The following PDE3B variants were observed in gnomAD, a reference collection of about 807,000 sequenced individuals.
PDE3B encodes the protein cGMP-inhibited 3',5'-cyclic phosphodiesterase 3B.
PDE3B carries 66 observed loss-of-function variants against 116.8 expected under a neutral mutation model. The ratio of observed to expected loss-of-function variants is 0.56; its 90% confidence interval spans 0.46 to 0.69. PDE3B has a LOEUF of 0.69. PDE3B is among the 30% of genes least tolerant of loss of function. The pLI, the probability that PDE3B is intolerant of heterozygous loss-of-function variation, is 0.00. For synonymous variants in PDE3B, 595 were observed against 533.6 expected, an observed-to-expected ratio of 1.12 and a Z score of -1.59; for missense variants, 1,384 against 1,368.1, an observed-to-expected ratio of 1.01 and a Z score of -0.18.
chr11:14,878,090 C>T, the PDE3B span: 4 of 1,610,344 alleles, frequency 2.5e-6, no homozygotes, highest in South Asian at 2.2e-5. Context: ...GGCAAATATA[C>T]ATTCTTGTTC....
intron 11 of PDE3B, among the ~76,000 whole-genome samples, chr11:14,838,794 T>A (rs1424598294): frequency 6.6e-6 from 1 of 152,226 alleles, no homozygotes; most frequent in Non-Finnish European, 1.5e-5. Flanking sequence ...AAGGAAGATG[T>A]ACCTACCAGA....
At chr11:14,893,982 C>A in the PDE3B span, among the ~76,000 whole-genome samples, 1 of 152,132 alleles carries the variant, frequency 6.6e-6, no homozygotes, top group Non-Finnish European at 1.5e-5. Context: ...ATATACTAAG[C>A]AAACCTTGTC....
chr11:14,840,116 G>T (rs1342509076), intron 11 of PDE3B, among the ~76,000 whole-genome samples: 1 of 152,160 alleles, frequency 6.6e-6, no homozygotes, highest in African/African-American at 2.4e-5. Context: ...TCTACTCGTT[G>T]TGCAAATTAC....
chr11:14,651,254 G>A (rs1853568052), intron 1 of PDE3B, among the ~76,000 whole-genome samples: 1 of 152,094 alleles, frequency 6.6e-6, no homozygotes, highest in Non-Finnish European at 1.5e-5. Context: ...CTCCCTGTAT[G>A]TTCACATAGT....
At chr11:14,703,537 G>A (rs1252909294) in intron 1 of PDE3B, among the ~76,000 whole-genome samples, 1 of 151,264 alleles carries the variant, frequency 6.6e-6, no homozygotes, top group Non-Finnish European at 1.5e-5. Context: ...GTGTTTAGGT[G>A]GCTACTAGTT....
chr11:14,786,631 C>T lies in PDE3B; in HGVS notation c.1224C>T (p.Tyr408=), dbSNP rs1440158082. 2 of 1,612,466 alleles carry T rather than the reference C, an allele frequency of 1.2e-6. No individual in the cohort carries two copies. The highest frequency in any genetic ancestry group is 1.3e-5 in the African/African-American group (1 of 74,836). Residue 408 remains tyrosine, a synonymous_variant, in exon 3 of 16, where the codon TAC becomes TAT. Coordinates refer to ENST00000282096, the MANE Select transcript of PDE3B (RefSeq NM_000922.4). The part of the protein sequence containing the change: ...INPLTPFPGF[Y]PCSEIEDPAE... Reference sequence around the variant, plus strand: ...CTCTCACACCATTTCCTGGATTTTACCCCTGTTCTGAAATAGAGGACCCAG... The same window carrying T: ...CTCTCACACCATTTCCTGGATTTTATCCCTGTTCTGAAATAGAGGACCCAG...
chr11:14,730,057 A>T (rs1352819645), intron 1 of PDE3B, among the ~76,000 whole-genome samples: 1 of 152,186 alleles, frequency 6.6e-6, no homozygotes, highest in African/African-American at 2.4e-5. Flanking sequence ...AGTCTGGTGA[A>T]TACATGCATG....
chr11:14,864,347 A>T (rs1555007742), intron 14 of PDE3B, among the ~76,000 whole-genome samples: 1 of 152,136 alleles, frequency 6.6e-6, no homozygotes, highest in Non-Finnish European at 1.5e-5. Flanking sequence ...CTCCCACAAA[A>T]TAATAGTGGG....
chr11:14,878,679 C>T, the PDE3B span, among the ~76,000 whole-genome samples: 1 of 152,064 alleles, frequency 6.6e-6, no homozygotes, highest in Non-Finnish European at 1.5e-5. Flanking sequence ...GTTTCTAGTC[C>T]ATCTTCCATG....
chr11:14,681,773 C>T (rs2133794765), intron 1 of PDE3B, among the ~76,000 whole-genome samples: 1 of 152,200 alleles, frequency 6.6e-6, no homozygotes, highest in Admixed American at 6.5e-5. Flanking sequence ...TTGCTGAATT[C>T]ACTTATTAGT....
intron 15 of PDE3B, 72 bp downstream of exon 15, chr11:14,867,830 A>C: frequency 2.1e-6 from 3 of 1,402,280 alleles, no homozygotes; most frequent in Non-Finnish European, 2.9e-6. Context: ...AATCTGAAAT[A>C]TGAAATGCTC....
At chr11:14,846,944 T>C (rs939013988) in intron 12 of PDE3B, among the ~76,000 whole-genome samples, 1 of 152,014 alleles carries the variant, frequency 6.6e-6, no homozygotes, top group Non-Finnish European at 1.5e-5. Context: ...GACAGAAAGT[T>C]AACAAGGATA....
At chr11:14,755,260 C>G (rs570327008) in intron 1 of PDE3B, among the ~76,000 whole-genome samples, 1 of 152,238 alleles carries the variant, frequency 6.6e-6, no homozygotes, top group South Asian at 2.1e-4. Context: ...ATGGCAGATA[C>G]ATTTTCTAGA....
At chr11:14,894,309 A>G in the PDE3B span, among the ~76,000 whole-genome samples, 15 of 152,304 alleles carry the variant, frequency 9.8e-5, no homozygotes, top group South Asian at 2.9e-3. Context: ...ATGACACAGG[A>G]TGGATATTGG....
At chr11:14,725,998 T>C (rs1157380430) in intron 1 of PDE3B, among the ~76,000 whole-genome samples, 3 of 152,172 alleles carry the variant, frequency 2.0e-5, no homozygotes, top group African/African-American at 7.2e-5. Context: ...TTCCCTCTAC[T>C]TCAGCTTCAC....
chr11:14,708,276 C>T (rs1357240746), intron 1 of PDE3B, among the ~76,000 whole-genome samples: 15 of 152,018 alleles, frequency 9.9e-5, no homozygotes, highest in Admixed American at 9.8e-4. Context: ...TCACCTTACC[C>T]CATGAGAGGA....
chr11:14,703,550 T>G (rs536288659), intron 1 of PDE3B, among the ~76,000 whole-genome samples: 24 of 151,836 alleles, frequency 1.6e-4, no homozygotes, highest in African/African-American at 5.8e-4. Flanking sequence ...TACTAGTTTA[T>G]TGAGAAATTT....
intron 12 of PDE3B, among the ~76,000 whole-genome samples, chr11:14,854,366 C>A (rs1555005804): frequency 6.6e-6 from 1 of 152,152 alleles, no homozygotes; most frequent in Non-Finnish European, 1.5e-5. Flanking sequence ...TCATTCTAGA[C>A]ATCTAATAGC....
At chr11:14,848,983 C>T (rs943270227) in intron 12 of PDE3B, among the ~76,000 whole-genome samples, 1 of 152,160 alleles carries the variant, frequency 6.6e-6, no homozygotes, top group Non-Finnish European at 1.5e-5. Context: ...TTGGAAAAAA[C>T]TACTTTAAAG....
Sources: allele counts gnomAD v4.1 joint callset (sites outside exome capture counted in the v4.1 genomes callset), GRCh38; gene constraint gnomAD v4.1.1; transcripts MANE v1.5; gene names NCBI Gene and HGNC (gene_info 2026-07-23, HGNC 2026-07-21).